ARMH4: variants seen among roughly 807,000 people sequenced by gnomAD.
ARMH4 encodes armadillo-like helical domain-containing protein 4.
A neutral mutation model predicts 61.9 loss-of-function variants in ARMH4; 49 were observed. The ratio of observed to expected loss-of-function variants is 0.79; its 90% CI spans 0.63 to 1.00. The LOEUF (loss-of-function observed/expected upper bound fraction) is 1.00, where lower values mean the gene tolerates loss of function less well. ARMH4 is among the 50% of genes least tolerant of loss of function. The pLI is 0.00. For synonymous variants in ARMH4, 368 were observed against 341.5 expected (o/e 1.08, Z -0.85); for missense variants, 934 against 930.0 (o/e 1.00, Z -0.06).
chr14:58,094,919 G>C (rs982935420), intron 5 of ARMH4, among the ~76,000 whole-genome samples: 2 of 152,134 alleles, frequency 1.3e-5, no homozygotes, highest in South Asian at 4.2e-4. Context: ...TAAGCTTTCA[G>C]TGGGTGCAAT....
intron 5 of ARMH4, among the ~76,000 whole-genome samples, chr14:58,068,818 G>A (rs935697042): frequency 1.3e-5 from 2 of 151,890 alleles, no homozygotes; most frequent in African/African-American, 4.8e-5. Context: ...ACAAGTCTGG[G>A]CAACATGGTG....
chr14:58,025,355 A>T (rs974780856), intron 5 of ARMH4, among the ~76,000 whole-genome samples: 1 of 152,186 alleles, frequency 6.6e-6, no homozygotes, highest in African/African-American at 2.4e-5. Context: ...TAGATTCCTT[A>T]GGTTCCCATT....
intron 4 of ARMH4, among the ~76,000 whole-genome samples, chr14:58,099,244 G>C (rs1169956984): frequency 1.3e-5 from 2 of 152,210 alleles, no homozygotes; most frequent in African/African-American, 4.8e-5. Context: ...AAAGCCTTGA[G>C]ACTGGCTGAG....
chr14:58,150,279 T>G (rs912910235), intron 1 of ARMH4, among the ~76,000 whole-genome samples: 1 of 152,250 alleles, frequency 6.6e-6, no homozygotes, highest in African/African-American at 2.4e-5. Context: ...CCTCACATCT[T>G]GCTTAGGGAA....
At chr14:58,094,742 T>G (rs1359914586) in intron 5 of ARMH4, among the ~76,000 whole-genome samples, 1 of 152,136 alleles carries the variant, frequency 6.6e-6, no homozygotes, top group Non-Finnish European at 1.5e-5. Context: ...TGCAAACTAA[T>G]CTATAGTGAC....
chr14:58,002,784 G>T lies in ARMH4; in HGVS notation c.*1952C>A, dbSNP rs965206652. The T allele has an allele frequency of 1.3e-5, 2 of 152,198 alleles. No individual in the cohort carries two copies. Among genetic ancestry groups the T allele is most frequent in the African/African-American group, 2.4e-5 (1 of 41,450 alleles). The allele number at this position is 152,198 out of a possible 1,614,324, so 9.4% of individuals were successfully genotyped here. On this transcript the variant is annotated 3_prime_UTR_variant, in exon 8 of 8. Coordinates refer to ENST00000267485, the MANE Select transcript of ARMH4 (RefSeq NM_001001872.4). ...ACTCGTGAAATTACAAATCACTTCTGAGTGTCATGATTCTGAATTCTATTT... is the reference window on the plus strand; with the variant it reads ...ACTCGTGAAATTACAAATCACTTCTTAGTGTCATGATTCTGAATTCTATTT...
At chr14:58,092,842 G>C (rs1885618952) in intron 5 of ARMH4, among the ~76,000 whole-genome samples, 1 of 149,622 alleles carries the variant, frequency 6.7e-6, no homozygotes, top group African/African-American at 2.5e-5. Context: ...TTTAGACAGG[G>C]TCTTACTCTG....
At chr14:58,054,078 AT>A (rs1193439803) in intron 5 of ARMH4, among the ~76,000 whole-genome samples, 1 of 152,216 alleles carries the variant, frequency 6.6e-6, no homozygotes, top group African/African-American at 2.4e-5. Context: ...CATTTTACAC[AT>A]GAGAAAACTA....
intron 5 of ARMH4, among the ~76,000 whole-genome samples, chr14:58,066,482 ATAGAGG>A (rs1307389276): frequency 2.6e-5 from 4 of 152,230 alleles, no homozygotes; most frequent in African/African-American, 9.6e-5. Flanking sequence ...TTGGAGATGG[ATAGAGG>A]TAATGATTGC....
At chr14:58,123,416 G>A (rs990772794) in intron 4 of ARMH4, among the ~76,000 whole-genome samples, 2 of 152,152 alleles carry the variant, frequency 1.3e-5, no homozygotes, top group Non-Finnish European at 2.9e-5. Context: ...GACTCCAAAA[G>A]ATTGTTAAGG....
At chr14:58,043,080 G>A (rs182116091) in intron 5 of ARMH4, among the ~76,000 whole-genome samples, 2 of 152,278 alleles carry the variant, frequency 1.3e-5, no homozygotes, top group Admixed American at 6.5e-5. Flanking sequence ...TAGAAAAAGA[G>A]GGAATCCTCC....
intron 5 of ARMH4, among the ~76,000 whole-genome samples, chr14:58,067,425 T>G (rs2141222669): frequency 6.6e-6 from 1 of 152,258 alleles, no homozygotes; most frequent in Admixed American, 6.5e-5. Context: ...TTCACAAAAC[T>G]ACAGGATGAA....
At chr14:58,063,537 T>C (rs946864532) in intron 5 of ARMH4, among the ~76,000 whole-genome samples, 1 of 150,920 alleles carries the variant, frequency 6.6e-6, no homozygotes, top group East Asian at 1.9e-4. Flanking sequence ...AGGCAGGTCA[T>C]GGTGCTTTCC....
chr14:58,000,986 C>A lies in ARMH4; in HGVS notation c.*3750G>T, dbSNP rs566799236. 2.6e-5 allele frequency: 4 copies of A among 152,328 alleles called. No homozygotes were observed. The South Asian group carries it at 6.2e-4, about 24-fold the overall frequency. The allele number at this position is 152,328 out of a possible 1,614,324, so 9.4% of individuals were successfully genotyped here. A position where few individuals can be genotyped will look rare whatever the true frequency, so the allele number is the denominator to read the frequency against. On this transcript the variant is annotated 3_prime_UTR_variant, in exon 8 of 8. Coordinates refer to ENST00000267485, the MANE Select transcript of ARMH4 (RefSeq NM_001001872.4). ...TCTAGAACTTATTCATCTTGCATAA[C>A]TGAAACATAATTAATCAACATCTCC...
At chr14:58,015,314 GA>G (rs1882569749) in intron 5 of ARMH4, among the ~76,000 whole-genome samples, 1 of 152,182 alleles carries the variant, frequency 6.6e-6, no homozygotes, top group African/African-American at 2.4e-5. Context: ...CACAGAGTGG[GA>G]AAGCCAGGCA....
Position 58,024,662 on chromosome 14 carries a change from A to G in ARMH4, c.2090-12512T>C, listed in dbSNP as rs148608811. 3.9e-5 allele frequency among the ~76,000 whole-genome samples: 6 copies of G among 152,266 alleles called. No homozygotes were observed. The East Asian group carries it at 1.2e-3, about 29-fold the overall frequency. ...CTTTTGGACTATCTTAACTTTCAAC[A>G]TGCCTTCCCCACTAAGCTTAACATT... On this transcript the variant is annotated intron_variant, in intron 5 of 7. Transcript: ENST00000267485.
intron 5 of ARMH4, among the ~76,000 whole-genome samples, chr14:58,039,382 A>C (rs1883603547): frequency 6.6e-6 from 1 of 152,204 alleles, no homozygotes; most frequent in African/African-American, 2.4e-5. Flanking sequence ...CTTTGAATTA[A>C]GGAAAAGAGA....
chr14:58,128,961 C>T (rs1192260259), intron 4 of ARMH4, among the ~76,000 whole-genome samples: 3 of 152,186 alleles, frequency 2.0e-5, no homozygotes, highest in Non-Finnish European at 4.4e-5. Context: ...GAGACACAGA[C>T]GGCCATGTGA....
intron 4 of ARMH4, chr14:58,131,269 A>G: frequency 2.3e-6 from 1 of 440,690 alleles, no homozygotes; most frequent in South Asian, 3.9e-5. Flanking sequence ...TAACTTTTCT[A>G]TGTCACAAAA....
Sources: gnomAD v4.1 joint callset for allele counts (sites outside exome capture counted in the v4.1 genomes callset) on GRCh38, gnomAD v4.1.1 for gene constraint, MANE v1.5 for transcripts, NCBI Gene and HGNC (gene_info 2026-07-23, HGNC 2026-07-21) for gene names.